The following TSC22D2 variants were observed in gnomAD, a reference collection of about 807,000 sequenced individuals.
TSC22D2 encodes TSC22 domain family member 2, also known as TSC22 domain family protein 2.
A neutral mutation model predicts 50.1 loss-of-function variants in TSC22D2; 5 were observed. The ratio of observed to expected loss-of-function variants is 0.10; its 90% confidence interval spans 0.05 to 0.21. TSC22D2 has a LOEUF of 0.21. Ranked by LOEUF, TSC22D2 falls within the 10% of genes least tolerant of loss-of-function variation. The pLI, the probability that TSC22D2 is intolerant of heterozygous loss-of-function variation, is 1.00. For synonymous variants in TSC22D2, 501 were observed against 450.1 expected, an observed-to-expected ratio of 1.11 and a Z score of -1.43; for missense variants, 1,003 against 1,015.5, an observed-to-expected ratio of 0.99 and a Z score of 0.17.
intron 1 of TSC22D2, 82 bp from the exon 2 acceptor site, chr3:150,456,992 AAC>A: frequency 7.9e-7 from 1 of 1,259,014 alleles, no homozygotes; most frequent in Non-Finnish European, 1.1e-6. Context: ...TTTTAAGTGA[AAC>A]ACAAATGTCT....
Position 150,454,288 on chromosome 3 carries a change from G to A in TSC22D2, c.1959-2788G>A, listed in dbSNP as rs1027534084. Among the ~76,000 whole-genome samples the A allele has an allele frequency of 3.3e-5, 5 of 152,096 alleles. 1 individual carries two copies. Among genetic ancestry groups the A allele is most frequent in the Admixed American group, 2.6e-4 (4 of 15,262 alleles). On this transcript the variant is annotated intron_variant, in intron 1 of 2. Coordinates refer to ENST00000688009, the MANE Select transcript of TSC22D2 (RefSeq NM_001303264.2). ...AGTTTCTGCAAAGCCAAGGAAACCC[G>A]AGAGAACATATGTTCCACAGACTAC...
chr3:150,410,592 C>T lies in TSC22D2; in HGVS notation c.1242C>T (p.Gly414=). The T allele has an allele frequency of 2.6e-6, 4 of 1,559,560 alleles. No homozygotes were observed. Among genetic ancestry groups the T allele is most frequent in the Admixed American group, 1.9e-5 (1 of 52,360 alleles). Residue 414 remains glycine (G), a synonymous_variant, in exon 1 of 3, where the codon GGC becomes GGT. Transcript: ENST00000688009. ...CCACGGCGGCCACCCTTCCCGTGGGCACCGGCCAGAATGCTTCCTCGGTGG... is the reference window on the plus strand; with the variant it reads ...CCACGGCGGCCACCCTTCCCGTGGGTACCGGCCAGAATGCTTCCTCGGTGG... The part of the protein sequence containing the change: ...SPATAATLPV[G]TGQNASSVGA...
Position 150,410,049 on chromosome 3 carries a change from G to T in TSC22D2, c.699G>T (p.Gln233His). ...GSVVVVVASM[Q>H]GAHGPESGTD... ...TGGTGGTAGTAGTGGCCTCCATGCA[G>T]GGGGCGCACGGGCCCGAGTCGGGAA... The change falls in exon 1 of 3, where the codon CAG becomes CAT. Residue 233 changes from glutamine to histidine, a missense_variant. Physicochemically the swap from Gln to His is conservative, Grantham distance 24. This residue lies in a region of TSC22D2 where 696 missense variants were observed against 647.8 expected (regional missense o/e 1.07). Coordinates refer to ENST00000688009, the MANE Select transcript of TSC22D2 (RefSeq NM_001303264.2). 1 of 1,613,202 alleles carries T rather than the reference G, an allele frequency of 6.2e-7. No homozygotes were observed. The highest frequency in any genetic ancestry group is 8.5e-7 in the Non-Finnish European group (1 of 1,180,024).
In TSC22D2 at chr3:150,410,757, C is replaced by T. The variant is rs141813378; in HGVS notation, c.1407C>T (p.Cys469=). The part of the protein sequence containing the change: ...PATVGGVVQP[C]LGPAGAGQPQ... Reference sequence around the variant, plus strand: ...CTGTGGGAGGCGTGGTGCAGCCGTGCCTCGGTCCTGCCGGGGCTGGGCAGC... The same window carrying T: ...CTGTGGGAGGCGTGGTGCAGCCGTGTCTCGGTCCTGCCGGGGCTGGGCAGC... Residue 469 remains cysteine (C), a synonymous_variant, in exon 1 of 3, where the codon TGC becomes TGT. Coordinates refer to ENST00000688009, the MANE Select transcript of TSC22D2 (RefSeq NM_001303264.2). The T allele has an allele frequency of 1.2e-6, 2 of 1,608,332 alleles. No homozygotes were observed. Among genetic ancestry groups the T allele is most frequent in the African/African-American group, 2.7e-5 (2 of 74,792 alleles).
chr3:150,408,952 A>C lies in TSC22D2; in HGVS notation c.-399A>C. On this transcript the variant is annotated 5_prime_UTR_variant, in exon 1 of 3. Coordinates refer to ENST00000688009, the MANE Select transcript of TSC22D2 (RefSeq NM_001303264.2). ...CGCCCTCCCACTCCCACCCCCAGCCAAGGCCTGCTGACCGCGCCGAGCGCC... is the reference window on the plus strand; with the variant it reads ...CGCCCTCCCACTCCCACCCCCAGCCCAGGCCTGCTGACCGCGCCGAGCGCC... 5 of 165,686 alleles carry C rather than the reference A, an allele frequency of 3.0e-5. No individual in the cohort carries two copies. Among genetic ancestry groups the C allele is most frequent in the Non-Finnish European group, 3.9e-5 (3 of 76,206 alleles). The allele number at this position is 165,686 out of a possible 1,614,324, so 10.3% of individuals were successfully genotyped here. A position where few individuals can be genotyped will look rare whatever the true frequency, so the allele number is the denominator to read the frequency against.
intron 1 of TSC22D2, among the ~76,000 whole-genome samples, chr3:150,428,612 T>C (rs34717889): frequency 1.8e-5 from 2 of 112,498 alleles, no homozygotes; most frequent in African/African-American, 2.8e-5. Context: ...AAAAAAAACA[T>C]ACTTAGATAT....
At chr3:150,431,472 G>T (rs1720380101) in intron 1 of TSC22D2, among the ~76,000 whole-genome samples, 2 of 151,968 alleles carry the variant, frequency 1.3e-5, no homozygotes, top group South Asian at 4.1e-4. Context: ...AGCCAGTATA[G>T]GTTCACCAAT....
chr3:150,443,145 C>T (rs909733997), intron 1 of TSC22D2, among the ~76,000 whole-genome samples: 9 of 152,198 alleles, frequency 5.9e-5, no homozygotes, highest in African/African-American at 1.7e-4. Flanking sequence ...GTCATCCAGC[C>T]TCTGAATACC....
Position 150,464,737 on chromosome 3 carries a change from C to T in TSC22D2, c.*6101C>T, listed in dbSNP as rs1721506525. ...CAGAAAGCTTTAACATCAAATAATA[C>T]TTTTAGAAGGAGGGGAAAAGCCTTC... On this transcript the variant is annotated 3_prime_UTR_variant, in exon 3 of 3. Coordinates refer to ENST00000688009, the MANE Select transcript of TSC22D2 (RefSeq NM_001303264.2). 6.6e-6 allele frequency: 1 copy of T among 152,086 alleles called. No homozygotes were observed. Among genetic ancestry groups the T allele is most frequent in the Non-Finnish European group, 1.5e-5 (1 of 68,016 alleles). 9.4% of individuals were successfully genotyped at this position (152,086 alleles called of 1,614,324 possible).
chr3:150,464,180 T>G lies in TSC22D2; in HGVS notation c.*5544T>G, dbSNP rs569099791. ...TTTCCATATAACAACTGTAAAATACTCTTGCCTGCTGCAATCCAAATGTTA... is the reference window on the plus strand; with the variant it reads ...TTTCCATATAACAACTGTAAAATACGCTTGCCTGCTGCAATCCAAATGTTA... On this transcript the variant is annotated 3_prime_UTR_variant, in exon 3 of 3. Transcript: ENST00000688009. 1.7e-4 allele frequency: 26 copies of G among 152,328 alleles called. No individual in the cohort carries two copies. Among genetic ancestry groups the G allele is most frequent in the African/African-American group, 5.3e-4 (22 of 41,572 alleles). The allele number at this position is 152,328 out of a possible 1,614,324, so 9.4% of individuals were successfully genotyped here. A position where few individuals can be genotyped will look rare whatever the true frequency, so the allele number is the denominator to read the frequency against.
chr3:150,408,931 C>T lies in TSC22D2; in HGVS notation c.-420C>T, dbSNP rs1028011679. 1.2e-5 allele frequency: 2 copies of T among 170,806 alleles called. No individual in the cohort carries two copies. Among genetic ancestry groups the T allele is most frequent in the Admixed American group, 5.8e-5 (1 of 17,154 alleles). The allele number at this position is 170,806 out of a possible 1,614,324, so 10.6% of individuals were successfully genotyped here. On this transcript the variant is annotated 5_prime_UTR_variant, in exon 1 of 3. Coordinates refer to ENST00000688009, the MANE Select transcript of TSC22D2 (RefSeq NM_001303264.2). ...CCGCCTCCTCCTCCTCCTCTTCGCC[C>T]TCCCACTCCCACCCCCAGCCAAGGC...
Position 150,409,584 on chromosome 3 carries a change from G to A in TSC22D2, c.234G>A (p.Ala78=). ...AGACGCTTAACAATGTTGGGGATGC[G>A]GAGACTCCCGGGACCGTCTCCCCAA... ...SEETLNNVGD[A]ETPGTVSPNL... The change falls in exon 1 of 3, where the codon GCG becomes GCA. Residue 78 remains alanine, a synonymous_variant. Coordinates refer to ENST00000688009, the MANE Select transcript of TSC22D2 (RefSeq NM_001303264.2). This position sits in a 1 kb window ranked among gnomAD's most constrained non-coding sequence, Gnocchi z 7.4. The A allele has an allele frequency of 6.3e-7, 1 of 1,599,200 alleles. No individual in the cohort carries two copies. The highest frequency in any genetic ancestry group is 8.6e-7 in the Non-Finnish European group (1 of 1,168,574).
chr3:150,459,122 G>T lies in TSC22D2; in HGVS notation c.*486G>T, dbSNP rs953943675. The T allele has an allele frequency of 2.0e-5, 3 of 152,362 alleles. No homozygotes were observed. Among genetic ancestry groups the T allele is most frequent in the African/African-American group, 7.2e-5 (3 of 41,402 alleles). The allele number at this position is 152,362 out of a possible 1,614,324, so 9.4% of individuals were successfully genotyped here. On this transcript the variant is annotated 3_prime_UTR_variant, in exon 3 of 3. Transcript: ENST00000688009. The stretch of plus-strand genomic sequence containing the variant: ...CATAATGTACATGAACAATGTCACA[G>T]AACTTTTTTAATTTTTTTGAATAAT...
rs187483485 is a variant in TSC22D2, at chr3:150,460,422, T to G, written c.*1786T>G. The G allele has an allele frequency of 5.9e-5, 9 of 152,326 alleles. No homozygotes were observed. Among genetic ancestry groups the G allele is most frequent in the African/African-American group, 1.9e-4 (8 of 41,582 alleles). The allele number at this position is 152,326 out of a possible 1,614,324, so 9.4% of individuals were successfully genotyped here. On this transcript the variant is annotated 3_prime_UTR_variant, in exon 3 of 3. Transcript: ENST00000688009. ...AATCAGAGTTAATGAGAACCAGTAG[T>G]TAGTTCTCCGTGTTAAAAGACTTAT...
intron 1 of TSC22D2, among the ~76,000 whole-genome samples, chr3:150,432,560 T>C (rs1300841573): frequency 1.3e-5 from 2 of 151,768 alleles, no homozygotes. Flanking sequence ...CTACCGAATC[T>C]AAAATTCTAT....
intron 2 of TSC22D2, 82 bp downstream of exon 2, chr3:150,457,209 A>G: frequency 7.5e-7 from 1 of 1,329,424 alleles, no homozygotes; most frequent in Non-Finnish European, 1.1e-6. Context: ...TTAGAAAACA[A>G]ATAAGTTATT....
At chr3:150,451,798 T>G (rs1721049064) in intron 1 of TSC22D2, among the ~76,000 whole-genome samples, 1 of 152,200 alleles carries the variant, frequency 6.6e-6, no homozygotes, top group Admixed American at 6.5e-5. Context: ...TCCTCTATCT[T>G]GTTGATTTGT....
At chr3:150,446,418 G>T (rs1720892983) in intron 1 of TSC22D2, among the ~76,000 whole-genome samples, 1 of 152,178 alleles carries the variant, frequency 6.6e-6, no homozygotes, top group South Asian at 2.1e-4. Flanking sequence ...GGGAGGCCAA[G>T]GCAGGAGGAT....
At chr3:150,414,998 A>T (rs1443503058) in intron 1 of TSC22D2, among the ~76,000 whole-genome samples, 1 of 151,018 alleles carries the variant, frequency 6.6e-6, no homozygotes, top group Non-Finnish European at 1.5e-5. Flanking sequence ...GAGTGTTCTT[A>T]CTGAGGAGTT....
Sources: allele counts gnomAD v4.1 joint callset (sites outside exome capture counted in the v4.1 genomes callset), GRCh38; gene constraint gnomAD v4.1.1; regional missense constraint gnomAD v4.1.1; non-coding constraint Gnocchi (gnomAD v3.1); transcripts MANE v1.5; gene names NCBI Gene and HGNC (gene_info 2026-07-23, HGNC 2026-07-21).